Variants in BCKDHB observed in about 807,000 individuals in gnomAD.
BCKDHB encodes branched chain keto acid dehydrogenase E1 subunit beta.
Under a neutral mutation model 48.5 loss-of-function variants are expected in BCKDHB, and 41 were observed. The observed-to-expected ratio is 0.85, with a 90% CI of 0.66 to 1.10. BCKDHB has a LOEUF of 1.10. Ranked by LOEUF, BCKDHB falls within the 50% of genes least tolerant of loss-of-function variation. The pLI, the probability that BCKDHB is intolerant of heterozygous loss-of-function variation, is 0.00. For missense variants in BCKDHB, 496 were observed against 494.2 expected, an observed-to-expected ratio of 1.00 and a Z score of -0.03; for synonymous variants, 201 against 174.8, an observed-to-expected ratio of 1.15 and a Z score of -1.18.
At chr6:80,357,140 T>G in the BCKDHB span, among the ~76,000 whole-genome samples, 1 of 152,022 alleles carries the variant, frequency 6.6e-6, no homozygotes, top group Non-Finnish European at 1.5e-5. Context: ...AGTTTAATAA[T>G]GGGACTCTTT....
At chr6:80,170,561 A>G (rs1258178353) in intron 5 of BCKDHB, among the ~76,000 whole-genome samples, 2 of 152,190 alleles carry the variant, frequency 1.3e-5, no homozygotes. Flanking sequence ...TTCTAAAATG[A>G]GGAACATTAT....
intron 2 of BCKDHB, among the ~76,000 whole-genome samples, chr6:80,128,445 A>C (rs1582193376): frequency 6.6e-6 from 1 of 152,084 alleles, no homozygotes; most frequent in Admixed American, 6.6e-5. Context: ...CGTTTATGAG[A>C]CTAGCATTCA....
chr6:80,264,021 T>TAA (rs1267048832), intron 8 of BCKDHB, among the ~76,000 whole-genome samples: 1 of 152,190 alleles, frequency 6.6e-6, no homozygotes. Context: ...TCAATTTTTT[T>TAA]TAGAAAAGAA....
chr6:80,268,370 A>G (rs890891304), intron 8 of BCKDHB, among the ~76,000 whole-genome samples: 8 of 152,116 alleles, frequency 5.3e-5, no homozygotes, highest in East Asian at 1.9e-4. Flanking sequence ...ACTTATATGT[A>G]TGCATTACAT....
chr6:80,351,645 CTT>C, the BCKDHB span, among the ~76,000 whole-genome samples: 2 of 122,074 alleles, frequency 1.6e-5, no homozygotes. Context: ...TTTTTTTTTT[CTT>C]TTTTTTTTTT....
chr6:80,188,561 C>G (rs534290555), intron 6 of BCKDHB, among the ~76,000 whole-genome samples: 2 of 152,002 alleles, frequency 1.3e-5, no homozygotes, highest in African/African-American at 4.8e-5. Context: ...ATCACTCGAG[C>G]CTGGGAGGTG....
At chr6:80,194,372 C>T (rs901926532) in intron 6 of BCKDHB, among the ~76,000 whole-genome samples, 7 of 152,172 alleles carry the variant, frequency 4.6e-5, no homozygotes, top group African/African-American at 1.7e-4. Flanking sequence ...TTGATCAATA[C>T]CAGGACATTA....
At chr6:80,153,686 T>A (rs901966000) in intron 3 of BCKDHB, among the ~76,000 whole-genome samples, 1 of 152,206 alleles carries the variant, frequency 6.6e-6, no homozygotes, top group Non-Finnish European at 1.5e-5. Flanking sequence ...TTATACATCT[T>A]ATAAAATGCT....
the BCKDHB span, among the ~76,000 whole-genome samples, chr6:80,365,809 T>A: frequency 6.6e-6 from 1 of 152,202 alleles, no homozygotes; most frequent in Non-Finnish European, 1.5e-5. Flanking sequence ...CTGATAAATG[T>A]CCATGAATCT....
intron 9 of BCKDHB, 140 bp downstream of exon 9, chr6:80,273,361 G>A (rs953605887): frequency 1.2e-5 from 8 of 690,610 alleles, no homozygotes; most frequent in Middle Eastern, 3.0e-4. Flanking sequence ...ACTGTGATAA[G>A]TAAATTTTTT....
chr6:80,228,381 G>GTT (rs1775769733), intron 8 of BCKDHB, among the ~76,000 whole-genome samples: 3 of 152,194 alleles, frequency 2.0e-5, no homozygotes, highest in Admixed American at 1.3e-4. Flanking sequence ...ATGGTACTCA[G>GTT]ATAAGTGTGG....
At chr6:80,297,890 A>G (rs913219983) in intron 9 of BCKDHB, among the ~76,000 whole-genome samples, 1 of 152,198 alleles carries the variant, frequency 6.6e-6, no homozygotes, top group Non-Finnish European at 1.5e-5. Flanking sequence ...CACACAATGC[A>G]GTGCAAAACA....
At chr6:80,266,913 A>G (rs1777537625) in intron 8 of BCKDHB, among the ~76,000 whole-genome samples, 1 of 152,082 alleles carries the variant, frequency 6.6e-6, no homozygotes, top group East Asian at 1.9e-4. Context: ...AGTTAGGTAC[A>G]GAATATTTGT....
At chr6:80,372,973 T>C in the BCKDHB span, among the ~76,000 whole-genome samples, 1 of 152,170 alleles carries the variant, frequency 6.6e-6, no homozygotes, top group African/African-American at 2.4e-5. Flanking sequence ...TAGAATGATT[T>C]AGGGAGGATT....
chr6:80,210,368 G>C (rs1157068462), intron 8 of BCKDHB, among the ~76,000 whole-genome samples: 2 of 152,028 alleles, frequency 1.3e-5, no homozygotes, highest in African/African-American at 4.8e-5. Flanking sequence ...ATTTTATATA[G>C]AGGTAAAAAA....
chr6:80,388,255 A>G, the BCKDHB span, among the ~76,000 whole-genome samples: 1 of 152,190 alleles, frequency 6.6e-6, no homozygotes, highest in Non-Finnish European at 1.5e-5. Context: ...CTTGGGCCAT[A>G]TGATCCAGTG....
chr6:80,113,619 T>G (rs557628591), intron 1 of BCKDHB, among the ~76,000 whole-genome samples: 11 of 152,344 alleles, frequency 7.2e-5, no homozygotes, highest in Non-Finnish European at 7.3e-5. Flanking sequence ...ATTTTGGGCT[T>G]ACCTCCTGGC....
chr6:80,421,117 G>A, the BCKDHB span, among the ~76,000 whole-genome samples: 15 of 152,116 alleles, frequency 9.9e-5, no homozygotes, highest in Non-Finnish European at 1.5e-4. Context: ...CTGGTGGGAG[G>A]TGATTGAATC....
At chr6:80,142,715 C>G (rs574097104) in intron 3 of BCKDHB, among the ~76,000 whole-genome samples, 2 of 152,004 alleles carry the variant, frequency 1.3e-5, no homozygotes, top group African/African-American at 2.4e-5. Context: ...GTTTCTTTGA[C>G]CTAACTTTAA....
Sources: gnomAD v4.1 joint callset for allele counts (sites outside exome capture counted in the v4.1 genomes callset) on GRCh38, gnomAD v4.1.1 for gene constraint, MANE v1.5 for transcripts, NCBI Gene and HGNC (gene_info 2026-07-23, HGNC 2026-07-21) for gene names.